Variants in AUTS2 observed in about 807,000 individuals in gnomAD.
The protein encoded by AUTS2 is autism susceptibility gene 2 protein.
In AUTS2, 17 loss-of-function variants were observed where a neutral mutation model predicts 112.4. The observed-to-expected ratio is 0.15, with a 90% CI of 0.10 to 0.23. The LOEUF is 0.23. AUTS2 is among the 10% of genes least tolerant of loss of function. The pLI is 1.00. For missense variants in AUTS2, 1,510 were observed against 1,701.6 expected (o/e 0.89, Z 1.98); for synonymous variants, 751 against 702.7 (o/e 1.07, Z -1.09).
intron 10 of AUTS2, among the ~76,000 whole-genome samples, chr7:70,769,002 C>G (rs902397921): frequency 6.6e-6 from 1 of 151,032 alleles, no homozygotes; most frequent in Non-Finnish European, 1.5e-5. Flanking sequence ...TTGAGAAGTG[C>G]TACTTTAATA....
intron 4 of AUTS2, among the ~76,000 whole-genome samples, chr7:70,209,948 T>C (rs1810770332): frequency 6.6e-6 from 1 of 151,960 alleles, no homozygotes; most frequent in Non-Finnish European, 1.5e-5. Flanking sequence ...CCCTCCACCA[T>C]GATATAAAAG....
chr7:69,992,312 C>T (rs368591446), intron 2 of AUTS2, among the ~76,000 whole-genome samples: 2 of 152,140 alleles, frequency 1.3e-5, no homozygotes, highest in Non-Finnish European at 1.5e-5. Context: ...AATCTAAAAG[C>T]CTTGTTCCTT....
At chr7:69,817,240 A>G (rs1790802672) in intron 1 of AUTS2, among the ~76,000 whole-genome samples, 1 of 152,214 alleles carries the variant, frequency 6.6e-6, no homozygotes, top group South Asian at 2.1e-4. Context: ...TATAAGCAGG[A>G]TGCTGGGGAA....
At chr7:69,869,142 C>T (rs192040535) in intron 1 of AUTS2, among the ~76,000 whole-genome samples, 18 of 152,108 alleles carry the variant, frequency 1.2e-4, no homozygotes, top group Admixed American at 2.0e-4. Context: ...GTTACGCAAG[C>T]GAAATATTCT....
intron 4 of AUTS2, among the ~76,000 whole-genome samples, chr7:70,419,835 T>C (rs761119654): frequency 1.3e-5 from 2 of 152,256 alleles, no homozygotes; most frequent in Non-Finnish European, 1.5e-5. Context: ...ATATCTCTTT[T>C]TAATCTGCAT....
chr7:70,593,510 G>A (rs1489491431), intron 5 of AUTS2, among the ~76,000 whole-genome samples: 3 of 152,158 alleles, frequency 2.0e-5, no homozygotes, highest in Non-Finnish European at 4.4e-5. Context: ...GCACAACCGA[G>A]AGGACCTGCA....
chr7:70,488,384 G>A (rs1332368821), intron 5 of AUTS2, among the ~76,000 whole-genome samples: 1 of 152,144 alleles, frequency 6.6e-6, no homozygotes, highest in Non-Finnish European at 1.5e-5. Context: ...TCACACTGAT[G>A]GACCTGGTGA....
At chr7:70,067,428 A>T (rs1166162999) in intron 2 of AUTS2, among the ~76,000 whole-genome samples, 2 of 152,232 alleles carry the variant, frequency 1.3e-5, no homozygotes, top group Non-Finnish European at 2.9e-5. Flanking sequence ...ATATAGTGAG[A>T]CTGTCACTTT....
intron 1 of AUTS2, among the ~76,000 whole-genome samples, chr7:69,647,351 C>A (rs1407192776): frequency 2.7e-5 from 4 of 149,996 alleles, no homozygotes; most frequent in African/African-American, 7.4e-5. Flanking sequence ...CAGACACTTT[C>A]ACTATCTTTT....
intron 5 of AUTS2, among the ~76,000 whole-genome samples, chr7:70,516,823 C>T (rs1225858616): frequency 1.3e-5 from 2 of 152,090 alleles, no homozygotes; most frequent in Non-Finnish European, 2.9e-5. Context: ...CTAGGTTGAA[C>T]CATATGAGAT....
At chr7:70,367,450 G>A (rs1005383341) in intron 4 of AUTS2, among the ~76,000 whole-genome samples, 1 of 151,766 alleles carries the variant, frequency 6.6e-6, no homozygotes, top group South Asian at 2.1e-4. Context: ...CAACTACTTG[G>A]GAGGCTAAGG....
rs1789597203 is a variant in AUTS2 at position 70,308,695 on chromosome 7, T to A, written c.661-127057T>A. Among the ~76,000 whole-genome samples, 2 of 152,200 alleles carry A rather than the reference T, an allele frequency of 1.3e-5. 1 individual carries two copies. Among genetic ancestry groups the A allele is most frequent in the South Asian group, 4.1e-4 (2 of 4,826 alleles). ...GTGCTCCATAGGTATTACCTATGCT[T>A]TAGAACAGTAGTTCTCAACTGGTGT... On this transcript the variant is annotated intron_variant, in intron 4 of 18. Transcript: ENST00000342771.
At chr7:70,729,324 A>G (rs1787225995) in intron 6 of AUTS2, 1 of 370,920 alleles carries the variant, frequency 2.7e-6, no homozygotes, top group Non-Finnish European at 5.5e-6. Context: ...GGCAGCCCCA[A>G]AGACTGGTAA....
At position 69,873,343 on chromosome 7, in the gene AUTS2, T is replaced by C. The variant is rs372583588; in HGVS notation, c.310-25943T>C. ...ACCTTACTTGGTGGTTCTCAGCCCT[T>C]ATTGGTATGGTTAAGGAACTTTGAA... On this transcript the variant is annotated intron_variant, in intron 1 of 18. Coordinates refer to ENST00000342771, the MANE Select transcript of AUTS2 (RefSeq NM_015570.4). Among the ~76,000 whole-genome samples, 175 of 152,076 alleles carry C rather than the reference T, an allele frequency of 1.2e-3. 5 individuals carry two copies. Among genetic ancestry groups the C allele is most frequent in the South Asian group, 0.011 (55 of 4,814 alleles).
chr7:69,757,309 G>C (rs961563404), intron 1 of AUTS2, among the ~76,000 whole-genome samples: 3 of 152,228 alleles, frequency 2.0e-5, no homozygotes, highest in African/African-American at 7.2e-5. Context: ...GGCTTTCAGA[G>C]AAGTAAGTGG....
At chr7:69,839,125 TG>T (rs1381884343) in intron 1 of AUTS2, among the ~76,000 whole-genome samples, 1 of 152,142 alleles carries the variant, frequency 6.6e-6, no homozygotes, top group Non-Finnish European at 1.5e-5. Context: ...CCTTCCTGAG[TG>T]TATGAACCCC....
intron 1 of AUTS2, among the ~76,000 whole-genome samples, chr7:69,811,421 C>T (rs919583845): frequency 2.0e-5 from 3 of 151,868 alleles, no homozygotes; most frequent in African/African-American, 7.3e-5. Context: ...GAGATAGTTC[C>T]CCAGTGTACC....
At chr7:69,625,332 G>A (rs983445710) in intron 1 of AUTS2, among the ~76,000 whole-genome samples, 10 of 152,180 alleles carry the variant, frequency 6.6e-5, no homozygotes, top group Non-Finnish European at 1.0e-4. Context: ...TTATTTACAA[G>A]TTTCTTTCAA....
intron 5 of AUTS2, among the ~76,000 whole-genome samples, chr7:70,440,066 A>T (rs1487304002): frequency 6.6e-6 from 1 of 152,042 alleles, no homozygotes; most frequent in Admixed American, 6.6e-5. Flanking sequence ...AGCTCTACAT[A>T]TAGTCCTGTA....
Sources: gnomAD v4.1 joint callset for allele counts (sites outside exome capture counted in the v4.1 genomes callset) on GRCh38, gnomAD v4.1.1 for gene constraint, MANE v1.5 for transcripts, NCBI Gene and HGNC (gene_info 2026-07-23, HGNC 2026-07-21) for gene names.